The following CTDSPL2 variants were observed in gnomAD, a reference collection of about 807,000 sequenced individuals.
CTDSPL2 encodes the protein CTD small phosphatase like 2.
Under a neutral mutation model 60.0 loss-of-function variants are expected in CTDSPL2, and 5 were observed. The ratio of observed to expected loss-of-function variants is 0.08; its 90% confidence interval spans 0.04 to 0.18. The LOEUF is 0.18. Ranked by LOEUF, CTDSPL2 falls within the 10% of genes least tolerant of loss-of-function variation. The pLI is 1.00. For missense variants in CTDSPL2, 370 were observed against 548.8 expected, an observed-to-expected ratio of 0.67 and a Z score of 3.26; for synonymous variants, 186 against 189.3, an observed-to-expected ratio of 0.98 and a Z score of 0.14.
At chr15:44,478,016 C>T (rs2080953350) in intron 2 of CTDSPL2, among the ~76,000 whole-genome samples, 1 of 152,126 alleles carries the variant, frequency 6.6e-6, no homozygotes, top group East Asian at 1.9e-4. Flanking sequence ...ATTTTTTGAG[C>T]ACATACTCAT....
chr15:44,514,931 G>T (rs2081623499), intron 10 of CTDSPL2, 87 bp downstream of exon 10: 2 of 799,108 alleles, frequency 2.5e-6, no homozygotes, highest in Admixed American at 2.4e-5. Context: ...GCCATTTTCA[G>T]TTGGCTGCAT....
chr15:44,452,299 A>C (rs1195088960), intron 1 of CTDSPL2, among the ~76,000 whole-genome samples: 1 of 152,024 alleles, frequency 6.6e-6, no homozygotes, highest in African/African-American at 2.4e-5. Context: ...GATGTTATTA[A>C]ATATGTATTA....
At chr15:44,435,525 C>T (rs1443356043) in intron 1 of CTDSPL2, among the ~76,000 whole-genome samples, 2 of 150,386 alleles carry the variant, frequency 1.3e-5, no homozygotes, top group South Asian at 2.1e-4. Flanking sequence ...GCTGAGATCG[C>T]GCCATCGCAG....
intron 1 of CTDSPL2, among the ~76,000 whole-genome samples, chr15:44,429,528 T>C (rs1268528041): frequency 6.6e-6 from 1 of 152,212 alleles, no homozygotes; most frequent in South Asian, 2.1e-4. Flanking sequence ...TAGTACTACG[T>C]GCATTCAGTA....
intron 6 of CTDSPL2, among the ~76,000 whole-genome samples, chr15:44,496,667 C>A (rs1224763334): frequency 6.6e-6 from 1 of 152,192 alleles, no homozygotes; most frequent in Admixed American, 6.5e-5. Flanking sequence ...TCAAGACCAA[C>A]CTGGGCAACG....
intron 10 of CTDSPL2, 136 bp downstream of exon 10, chr15:44,514,980 C>T: frequency 1.8e-6 from 1 of 558,384 alleles, no homozygotes; most frequent in East Asian, 2.8e-5. Context: ...TTTTTAAGCC[C>T]CTAAACTCTT....
intron 7 of CTDSPL2, among the ~76,000 whole-genome samples, chr15:44,497,511 G>T (rs918162942): frequency 6.6e-6 from 1 of 151,994 alleles, no homozygotes; most frequent in East Asian, 1.9e-4. Flanking sequence ...GACTACAGGC[G>T]CCTGCCACCA....
chr15:44,431,740 C>G (rs189413189), intron 1 of CTDSPL2, among the ~76,000 whole-genome samples: 340 of 135,252 alleles, frequency 2.5e-3, no homozygotes, highest in African/African-American at 8.9e-3. Flanking sequence ...TTTTTTGAGA[C>G]AGAGTTTCGC....
chr15:44,482,727 GT>G (rs1385274008), intron 2 of CTDSPL2, among the ~76,000 whole-genome samples: 5 of 152,156 alleles, frequency 3.3e-5, no homozygotes, highest in Non-Finnish European at 5.9e-5. Context: ...ACAATGCCAA[GT>G]TTTGTTTCAG....
At chr15:44,456,602 A>AT (rs2080446313) in intron 1 of CTDSPL2, among the ~76,000 whole-genome samples, 1 of 151,916 alleles carries the variant, frequency 6.6e-6, no homozygotes, top group South Asian at 2.1e-4. Flanking sequence ...CCCCTTTGTC[A>AT]TTTTTTACTG....
intron 1 of CTDSPL2, among the ~76,000 whole-genome samples, chr15:44,445,359 T>C (rs2080189111): frequency 6.6e-6 from 1 of 151,882 alleles, no homozygotes. Flanking sequence ...AGCAAATTTT[T>C]TTGTATTTTT....
intron 2 of CTDSPL2, among the ~76,000 whole-genome samples, chr15:44,467,834 C>T (rs998694370): frequency 6.6e-5 from 10 of 152,194 alleles, no homozygotes; most frequent in Non-Finnish European, 1.5e-4. Context: ...CTCGGCCTCC[C>T]GAAGTGCTGG....
At chr15:44,434,561 G>A (rs138084005) in intron 1 of CTDSPL2, among the ~76,000 whole-genome samples, 197 of 152,260 alleles carry the variant, frequency 1.3e-3, no homozygotes, top group Non-Finnish European at 2.3e-3. Flanking sequence ...GCCTGGCCAA[G>A]TTTTAAAATT....
chr15:44,481,295 G>A (rs781546708), intron 2 of CTDSPL2, among the ~76,000 whole-genome samples: 1 of 152,196 alleles, frequency 6.6e-6, no homozygotes, highest in Non-Finnish European at 1.5e-5. Context: ...TTCCGTTTTT[G>A]TAACCTGAAG....
intron 1 of CTDSPL2, among the ~76,000 whole-genome samples, chr15:44,439,935 A>G (rs913435909): frequency 1.3e-4 from 19 of 151,906 alleles, no homozygotes; most frequent in African/African-American, 4.4e-4. Flanking sequence ...GTTCCCTTCT[A>G]TTTTCTGGAA....
At position 44,490,768 on chromosome 15, in the gene CTDSPL2, T is replaced by C. The variant is rs2081200345; in HGVS notation, c.476-16T>C. ...GCATTTTTAAATGATGATAGTACAC[T>C]GAATCATGATTTCAGGAACGTCAGG... On this transcript the variant is annotated splice_polypyrimidine_tract_variant and intron_variant, in intron 4 of 12. Transcript: ENST00000260327. 1 of 1,600,336 alleles carries C rather than the reference T, an allele frequency of 6.2e-7. No individual in the cohort carries two copies. The highest frequency in any genetic ancestry group is 2.2e-4 in the Middle Eastern group (1 of 4,590).
At chr15:44,501,146 G>A (rs760903282) in intron 8 of CTDSPL2, among the ~76,000 whole-genome samples, 6 of 151,962 alleles carry the variant, frequency 3.9e-5, no homozygotes, top group Non-Finnish European at 7.4e-5. Flanking sequence ...TTTTAAGCTC[G>A]ATAACCTTGT....
rs2081577831 is a variant in CTDSPL2, at chr15:44,512,116, C to T, written c.970-2482C>T. On this transcript the variant is annotated intron_variant, in intron 8 of 12. Transcript: ENST00000260327. Reference sequence around the variant, plus strand: ...GAAGGCTAAGACAGGAGGATCACTTCAGCCCGGGAGGTCGAGGCTGCAGTG... The same window carrying T: ...GAAGGCTAAGACAGGAGGATCACTTTAGCCCGGGAGGTCGAGGCTGCAGTG... 2.0e-5 allele frequency among the ~76,000 whole-genome samples: 3 copies of T among 151,774 alleles called. No individual in the cohort carries two copies. The South Asian group carries it at 6.2e-4, about 32-fold the overall frequency.
chr15:44,494,744 A>G (rs989799566), intron 5 of CTDSPL2, among the ~76,000 whole-genome samples: 4 of 151,986 alleles, frequency 2.6e-5, no homozygotes, highest in African/African-American at 9.7e-5. Context: ...ATGAAACCCC[A>G]TCTCTACTAA....
Sources: gnomAD v4.1 joint callset for allele counts (sites outside exome capture counted in the v4.1 genomes callset) on GRCh38, gnomAD v4.1.1 for gene constraint, MANE v1.5 for transcripts, NCBI Gene and HGNC (gene_info 2026-07-23, HGNC 2026-07-21) for gene names.